AKR1D1: variants seen among roughly 807,000 people sequenced by gnomAD.
AKR1D1 encodes delta(4)-3-ketosteroid 5-beta-reductase.
In AKR1D1, 32 loss-of-function variants were observed where a neutral mutation model predicts 42.6. The ratio of observed to expected loss-of-function variants is 0.75; its 90% CI spans 0.57 to 1.01. The LOEUF is 1.01. Among genes scored for constraint, AKR1D1 ranks in the 50% least tolerant of loss-of-function variants. The pLI is 0.00. For synonymous variants in AKR1D1, 123 were observed against 135.5 expected, an observed-to-expected ratio of 0.91 and a Z score of 0.64; for missense variants, 364 against 402.2, an observed-to-expected ratio of 0.91 and a Z score of 0.81.
chr7:138,076,469 A>G lies in AKR1D1; in HGVS notation c.-50A>G. 1 of 1,510,862 alleles carries G rather than the reference A, an allele frequency of 6.6e-7. No homozygotes were observed. Among genetic ancestry groups the G allele is most frequent in the Non-Finnish European group, 9.2e-7 (1 of 1,087,528 alleles). 93.6% of individuals were successfully genotyped at this position (1,510,862 alleles called of 1,614,324 possible). ...AATAGGCCCTAGGACACCTTTCTAA[A>G]AAGACTCCCTGTGGTGTTCAGAATC... On this transcript the variant is annotated 5_prime_UTR_variant, in exon 1 of 9. Transcript: ENST00000242375.
At chr7:138,114,617 G>A (rs977027106) in intron 8 of AKR1D1, among the ~76,000 whole-genome samples, 4 of 138,586 alleles carry the variant, frequency 2.9e-5, no homozygotes, top group African/African-American at 5.5e-5. Context: ...CCGAGATCAT[G>A]CCATTGCACT....
At chr7:138,080,545 C>A (rs1173918254) in intron 1 of AKR1D1, among the ~76,000 whole-genome samples, 1 of 152,128 alleles carries the variant, frequency 6.6e-6, no homozygotes, top group Non-Finnish European at 1.5e-5. Context: ...AAGTATGTTC[C>A]ATCCCATTTA....
rs879459528 is a variant in AKR1D1, at chr7:138,088,709, A to G, written c.202A>G (p.Ile68Val). The G allele has an allele frequency of 6.2e-7, 1 of 1,613,464 alleles. No individual in the cohort carries two copies. The highest frequency in any genetic ancestry group is 8.5e-7 in the Non-Finnish European group (1 of 1,179,796). The change falls in exon 2 of 9, where the codon ATC becomes GTC. Residue 68 changes from isoleucine to valine, a missense_variant. By Grantham distance (29) the Ile-to-Val change is conservative. Coordinates refer to ENST00000242375, the MANE Select transcript of AKR1D1 (RefSeq NM_005989.4). ...YQNEHEVGEA[I>V]REKIAEGKVR... ...AAATGAACACGAAGTTGGGGAGGCC[A>G]TCAGGGAGAAGATAGCAGAAGGAAA...
At chr7:138,091,688 T>G (rs969573099) in intron 2 of AKR1D1, 80 bp from the exon 3 acceptor site, 96 of 1,099,714 alleles carry the variant, frequency 8.7e-5, no homozygotes, top group Admixed American at 2.3e-4. Context: ...TGTGTACGAG[T>G]GTTTTACAAA....
intron 1 of AKR1D1, among the ~76,000 whole-genome samples, chr7:138,085,446 CTTT>C (rs67935838): frequency 1.5e-5 from 2 of 129,786 alleles, no homozygotes; most frequent in Non-Finnish European, 3.2e-5. Flanking sequence ...CTTTTCTTTC[CTTT>C]TTTTTTTTTT....
At chr7:138,078,525 T>C (rs1802987767) in intron 1 of AKR1D1, among the ~76,000 whole-genome samples, 1 of 152,220 alleles carries the variant, frequency 6.6e-6, no homozygotes, top group African/African-American at 2.4e-5. Flanking sequence ...ATGAGTTTGA[T>C]CCTTGGCCCC....
chr7:138,096,578 C>T (rs1794187977), intron 3 of AKR1D1, among the ~76,000 whole-genome samples: 1 of 152,234 alleles, frequency 6.6e-6, no homozygotes, highest in South Asian at 2.1e-4. Context: ...TAAACCACAG[C>T]AATTCCCAAT....
intron 8 of AKR1D1, among the ~76,000 whole-genome samples, chr7:138,114,542 T>C (rs9642091): frequency 0.81 from 122,895 of 151,264 alleles, 50,341 homozygotes; most frequent in African/African-American, 0.91. Flanking sequence ...TGCCTGTAAT[T>C]CCAGCTACTC....
At chr7:138,101,139 A>T in intron 4 of AKR1D1, among the ~76,000 whole-genome samples, 1 of 149,572 alleles carries the variant, frequency 6.7e-6, no homozygotes, top group African/African-American at 2.5e-5. Context: ...AAAATATAAG[A>T]GTGTTTTCTT....
intron 1 of AKR1D1, among the ~76,000 whole-genome samples, chr7:138,076,833 G>A (rs1029985687): frequency 1.3e-5 from 2 of 152,140 alleles, no homozygotes; most frequent in African/African-American, 4.8e-5. Context: ...TTGGATTAGA[G>A]AAGGAGAATT....
intron 3 of AKR1D1, among the ~76,000 whole-genome samples, chr7:138,095,513 T>A (rs957367127): frequency 2.0e-5 from 3 of 151,740 alleles, no homozygotes; most frequent in Non-Finnish European, 4.4e-5. Context: ...AAAATTAAAA[T>A]TTTTGTTTTG....
intron 7 of AKR1D1, among the ~76,000 whole-genome samples, chr7:138,109,229 G>A (rs1794490812): frequency 6.6e-6 from 1 of 152,182 alleles, no homozygotes; most frequent in South Asian, 2.1e-4. Context: ...ATGATAGAAT[G>A]CAACTCAAAC....
chr7:138,104,606 C>T (rs10085803), intron 4 of AKR1D1, among the ~76,000 whole-genome samples: 55,210 of 148,646 alleles, frequency 0.37, 12,627 homozygotes, highest in Non-Finnish European at 0.51. Context: ...CTTGAACCTG[C>T]GAGACAGAGT....
intron 7 of AKR1D1, among the ~76,000 whole-genome samples, chr7:138,109,433 C>T (rs984962347): frequency 2.0e-5 from 3 of 152,108 alleles, no homozygotes; most frequent in Non-Finnish European, 4.4e-5. Flanking sequence ...ATTACTCATA[C>T]TCAGTGAAGA....
Position 138,113,700 on chromosome 7 carries a change from T to A in AKR1D1, c.866T>A (p.Phe289Tyr). Residue 289 changes from phenylalanine (F) to tyrosine (Y), a missense_variant, in exon 8 of 9, where the codon TTT (phenylalanine) becomes TAT (tyrosine). Phe to Tyr is a conservative substitution (Grantham distance 22). Transcript: ENST00000242375. ...RIKENFQIFDFSLTEEEMKDI... is the reference protein window; with the variant it reads ...RIKENFQIFDYSLTEEEMKDI... Reference sequence around the variant, plus strand: ...TTTCCGTTATTTCAGATCTTTGACTTTTCTCTCACTGAAGAAGAAATGAAG... The same window carrying A: ...TTTCCGTTATTTCAGATCTTTGACTATTCTCTCACTGAAGAAGAAATGAAG... 6.2e-7 allele frequency: 1 copy of A among 1,614,048 alleles called. No homozygotes were observed. The highest frequency in any genetic ancestry group is 8.5e-7 in the Non-Finnish European group (1 of 1,179,912).
At chr7:138,095,195 T>TA (rs767076027) in intron 3 of AKR1D1, among the ~76,000 whole-genome samples, 24 of 152,172 alleles carry the variant, frequency 1.6e-4, no homozygotes, top group Non-Finnish European at 3.2e-4. Flanking sequence ...AAAAATCACG[T>TA]AACAGAATTC....
At chr7:138,104,324 T>C (rs1044074359) in intron 4 of AKR1D1, among the ~76,000 whole-genome samples, 4 of 152,096 alleles carry the variant, frequency 2.6e-5, no homozygotes, top group African/African-American at 9.7e-5. Flanking sequence ...CATACATATA[T>C]GTATGAGAGA....
In AKR1D1 at chr7:138,088,693, C is replaced by T. The variant is rs374656577; in HGVS notation, c.186C>T (p.His62=). ...IDGAYIYQNE[H]EVGEAIREKI... is the part of the protein sequence containing the mutation. Reference sequence around the variant, plus strand: ...GGGCCTACATCTACCAAAATGAACACGAAGTTGGGGAGGCCATCAGGGAGA... The same window carrying T: ...GGGCCTACATCTACCAAAATGAACATGAAGTTGGGGAGGCCATCAGGGAGA... The change falls in exon 2 of 9, where the codon CAC becomes CAT. Residue 62 remains histidine, a synonymous_variant. Transcript: ENST00000242375. 317 of 1,613,652 alleles carry T rather than the reference C, an allele frequency of 2.0e-4. No individual in the cohort carries two copies. The highest frequency in any genetic ancestry group is 3.7e-4 in the Admixed American group (22 of 59,928).
At chr7:138,080,383 T>G (rs1019400101) in intron 1 of AKR1D1, among the ~76,000 whole-genome samples, 12 of 152,210 alleles carry the variant, frequency 7.9e-5, no homozygotes, top group African/African-American at 2.9e-4. Context: ...TGATCCATGC[T>G]GACTGCTTTG....
Sources: gnomAD v4.1 joint callset for allele counts (sites outside exome capture counted in the v4.1 genomes callset) on GRCh38, gnomAD v4.1.1 for gene constraint, MANE v1.5 for transcripts, NCBI Gene and HGNC (gene_info 2026-07-23, HGNC 2026-07-21) for gene names.